The following UBAC1 variants were observed in gnomAD, a reference collection of about 807,000 sequenced individuals.
UBAC1 encodes UBA domain containing 1, also known as ubiquitin-associated domain-containing protein 1.
Under a neutral mutation model 45.9 loss-of-function variants are expected in UBAC1, and 27 were observed. That is an observed-to-expected ratio of 0.59 (90% CI 0.43 to 0.81). The LOEUF is 0.81. UBAC1 is among the 30% of genes least tolerant of loss of function. The pLI is 0.00. For synonymous variants in UBAC1, 227 were observed against 215.5 expected, an observed-to-expected ratio of 1.05 and a Z score of -0.47; for missense variants, 529 against 539.2, an observed-to-expected ratio of 0.98 and a Z score of 0.19.
In UBAC1 at chr9:135,949,765, G is replaced by A. The variant is rs151091472; in HGVS notation, c.334-1860C>T. Among the ~76,000 whole-genome samples the A allele has an allele frequency of 7.3e-3, 1,105 of 152,348 alleles. 10 individuals carry two copies. Among genetic ancestry groups the A allele is most frequent in the Middle Eastern group, 0.044 (13 of 294 alleles). On this transcript the variant is annotated intron_variant, in intron 3 of 9. Transcript: ENST00000371756. ...CCCCGGGCCTGGCAGTTGCCCGTGC[G>A]TGGCTGCACAGCATGAGCAGGACAC...
intron 7 of UBAC1, among the ~76,000 whole-genome samples, chr9:135,940,211 T>C (rs1231695240): frequency 2.0e-5 from 3 of 151,682 alleles, no homozygotes; most frequent in African/African-American, 7.3e-5. Context: ...CGTCAGTAAG[T>C]GCAATCTCAA....
At chr9:135,939,536 TCA>T (rs1839243568) in intron 8 of UBAC1, 135 bp downstream of exon 8, 1 of 740,306 alleles carries the variant, frequency 1.4e-6, no homozygotes, top group African/African-American at 2.0e-5. Context: ...CAGCCCCCAC[TCA>T]CTCACCACAG....
At chr9:135,952,139 C>T (rs969798525) in intron 3 of UBAC1, among the ~76,000 whole-genome samples, 1 of 152,340 alleles carries the variant, frequency 6.6e-6, no homozygotes, top group East Asian at 1.9e-4. Flanking sequence ...ATGGGTGGGG[C>T]GGCAGCCTGT....
chr9:135,938,071 G>T, intron 9 of UBAC1, 151 bp downstream of exon 9: 1 of 1,259,422 alleles, frequency 7.9e-7, no homozygotes, highest in Non-Finnish European at 1.1e-6. Context: ...TACACCCGCA[G>T]GATGCCAACC....
chr9:135,951,876 C>A (rs1308536563), intron 3 of UBAC1, among the ~76,000 whole-genome samples: 1 of 152,142 alleles, frequency 6.6e-6, no homozygotes, highest in Non-Finnish European at 1.5e-5. Context: ...TGACATCTTA[C>A]AATGTTTCAG....
intron 1 of UBAC1, among the ~76,000 whole-genome samples, chr9:135,960,031 A>G (rs572616547): frequency 2.0e-4 from 31 of 152,348 alleles, no homozygotes; most frequent in African/African-American, 7.2e-4. Context: ...AGCAGCTACT[A>G]TGGTAAGAAC....
chr9:135,953,769 C>G lies in UBAC1; in HGVS notation c.260-16G>C, dbSNP rs770397714. The G allele has an allele frequency of 2.2e-5, 35 of 1,610,644 alleles. 1 individual carries two copies. The Middle Eastern group carries it at 4.1e-3, about 189-fold the overall frequency. On this transcript the variant is annotated splice_polypyrimidine_tract_variant and intron_variant, in intron 2 of 9. Transcript: ENST00000371756. ...AATAGGACATCTAGAAAAAACAACA[C>G]GTATATCCAACACACTGGTTATCAC...
chr9:135,959,607 T>C (rs1839508269), intron 1 of UBAC1, among the ~76,000 whole-genome samples: 1 of 152,054 alleles, frequency 6.6e-6, no homozygotes, highest in African/African-American at 2.4e-5. Flanking sequence ...TCTCCTGACC[T>C]CATAATCCGC....
In UBAC1 at chr9:135,961,199, G is replaced by A. The variant is rs753568383; in HGVS notation, c.-37C>T. ...CGCAGGGGCCTGCGCCCGCCACCCG[G>A]GCCCCTGAAGGTCACCGGGAAGGCG... On this transcript the variant is annotated 5_prime_UTR_variant, in exon 1 of 10. Transcript: ENST00000371756. 4.2e-5 allele frequency: 62 copies of A among 1,472,348 alleles called. No homozygotes were observed. The highest frequency in any genetic ancestry group is 5.2e-5 in the Non-Finnish European group (58 of 1,120,220). 91.2% of individuals were successfully genotyped at this position (1,472,348 alleles called of 1,614,324 possible).
At chr9:135,950,749 T>A (rs1839397376) in intron 3 of UBAC1, among the ~76,000 whole-genome samples, 1 of 152,164 alleles carries the variant, frequency 6.6e-6, no homozygotes, top group Admixed American at 6.5e-5. Flanking sequence ...AATAATAATA[T>A]ACACATATTA....
chr9:135,949,650 G>A (rs1261736462), intron 3 of UBAC1, among the ~76,000 whole-genome samples: 1 of 152,188 alleles, frequency 6.6e-6, no homozygotes, highest in Non-Finnish European at 1.5e-5. Context: ...GGCACCCGAG[G>A]AAGTCAGGCT....
intron 8 of UBAC1, among the ~76,000 whole-genome samples, chr9:135,938,680 A>T (rs925787166): frequency 3.9e-5 from 6 of 152,226 alleles, no homozygotes; most frequent in Non-Finnish European, 7.3e-5. Flanking sequence ...AAGGTGATTA[A>T]CAAATGTACC....
intron 8 of UBAC1, among the ~76,000 whole-genome samples, 194 bp from the exon 9 acceptor site, chr9:135,938,554 C>T (rs888173082): frequency 1.7e-4 from 26 of 152,258 alleles, no homozygotes; most frequent in Non-Finnish European, 3.2e-4. Context: ...TCAGACCAGG[C>T]CAGAGAAGGA....
At chr9:135,943,261 A>G (rs1044839285) in intron 7 of UBAC1, among the ~76,000 whole-genome samples, 7 of 152,136 alleles carry the variant, frequency 4.6e-5, no homozygotes, top group Admixed American at 1.3e-4. Context: ...CTCCACTAAA[A>G]GTACAAAAAT....
rs748401748 is a variant in UBAC1 at position 135,953,674 on chromosome 9, A to G, written c.333+6T>C. 4 of 1,613,516 alleles carry G rather than the reference A, an allele frequency of 2.5e-6. No homozygotes were observed. The highest frequency in any genetic ancestry group is 3.4e-6 in the Non-Finnish European group (4 of 1,179,648). On this transcript the variant is annotated splice_donor_region_variant and intron_variant, in intron 3 of 9. Transcript: ENST00000371756. ...AAGGTCCCCAATTGCAAACTTTGAA[A>G]TTTACCTTTTCTTCTGCTGAGACAT... is the stretch of plus-strand genomic sequence containing the variant.
At chr9:135,937,013 G>GCTT (rs1363434623) in intron 9 of UBAC1, among the ~76,000 whole-genome samples, 2 of 152,206 alleles carry the variant, frequency 1.3e-5, no homozygotes, top group Admixed American at 1.3e-4. Context: ...CAAACGCTGA[G>GCTT]CGGAAGGTCT....
At chr9:135,951,745 G>A (rs1043127630) in intron 3 of UBAC1, among the ~76,000 whole-genome samples, 1 of 152,158 alleles carries the variant, frequency 6.6e-6, no homozygotes, top group Admixed American at 6.5e-5. Flanking sequence ...GGAAGGCGGA[G>A]GTTGCAGTGA....
At position 135,938,831 on chromosome 9, in the gene UBAC1, C is replaced by T. The variant is rs565626102; in HGVS notation, c.964-471G>A. On this transcript the variant is annotated intron_variant, in intron 8 of 9. Coordinates refer to ENST00000371756, the MANE Select transcript of UBAC1 (RefSeq NM_016172.3). ...GGGATGGTGGGGGGGGGATGTGGGC[C>T]ACCACAGGGACCTCCCCAGGCACAG... 1.2e-4 allele frequency among the ~76,000 whole-genome samples: 19 copies of T among 152,298 alleles called. No individual in the cohort carries two copies. In the South Asian group the frequency reaches 3.9e-3, roughly 32 times the overall value.
intron 7 of UBAC1, among the ~76,000 whole-genome samples, chr9:135,943,901 A>G (rs1347406010): frequency 5.3e-5 from 8 of 152,190 alleles, no homozygotes; most frequent in African/African-American, 7.2e-5. Context: ...GTTCTCACTT[A>G]TAAGTGGGAG....
Sources: gnomAD v4.1 joint callset for allele counts (sites outside exome capture counted in the v4.1 genomes callset) on GRCh38, gnomAD v4.1.1 for gene constraint, MANE v1.5 for transcripts, NCBI Gene and HGNC (gene_info 2026-07-23, HGNC 2026-07-21) for gene names.